Variants in CENPP observed in about 807,000 individuals in gnomAD.
CENPP encodes the protein centromere protein P.
CENPP carries 24 observed loss-of-function variants against 35.6 expected under a neutral mutation model. The observed-to-expected ratio is 0.67, with a 90% CI of 0.49 to 0.95. CENPP has a LOEUF of 0.95. CENPP is among the 40% of genes least tolerant of loss of function. CENPP has a pLI of 0.00. For missense variants in CENPP, 332 were observed against 345.3 expected (o/e 0.96, Z 0.31); for synonymous variants, 120 against 125.5 (o/e 0.96, Z 0.29).
At chr9:92,381,799 A>AC (rs1842252967) in intron 5 of CENPP, among the ~76,000 whole-genome samples, 1 of 152,130 alleles carries the variant, frequency 6.6e-6, no homozygotes, top group Non-Finnish European at 1.5e-5. Flanking sequence ...TATTTGAAGA[A>AC]CCGCATACTC....
intron 5 of CENPP, among the ~76,000 whole-genome samples, chr9:92,604,320 T>C (rs1014759339): frequency 3.9e-5 from 6 of 152,232 alleles, no homozygotes; most frequent in Non-Finnish European, 2.9e-5. Context: ...TTTAACCAAA[T>C]AAGAGATGTG....
chr9:92,381,203 C>T (rs559309471), intron 5 of CENPP, among the ~76,000 whole-genome samples: 4 of 152,244 alleles, frequency 2.6e-5, no homozygotes, highest in Admixed American at 2.0e-4. Flanking sequence ...ATTCTAGGTA[C>T]CTCATATATG....
In CENPP at chr9:92,614,877, T is replaced by TG. The variant is rs1212531845; in HGVS notation, c.*1730dup. ...GTTCACCTTCCAGAAGCAGGGCCTG[T>TG]GGCAGCCTAACAGGGAGAGGCCACG... On this transcript the variant is annotated 3_prime_UTR_variant, in exon 8 of 8. Transcript: ENST00000375587. The TG allele has an allele frequency of 1.3e-5, 2 of 152,474 alleles. No individual in the cohort carries two copies. The highest frequency in any genetic ancestry group is 2.9e-5 in the Non-Finnish European group (2 of 68,024). 9.4% of individuals were successfully genotyped at this position (152,474 alleles called of 1,614,324 possible).
At chr9:92,416,963 T>C in intron 5 of CENPP, 1 of 1,613,982 alleles carries the variant, frequency 6.2e-7, no homozygotes, top group Non-Finnish European at 8.5e-7. Context: ...CAGAGAATCA[T>C]GAAGATAATT....
intron 5 of CENPP, among the ~76,000 whole-genome samples, chr9:92,518,102 A>T (rs1847837358): frequency 6.6e-6 from 1 of 152,152 alleles, no homozygotes; most frequent in Admixed American, 6.5e-5. Flanking sequence ...TGAACTCCTC[A>T]TGGTAACTTG....
At chr9:92,458,999 G>C (rs1368210619) in intron 5 of CENPP, among the ~76,000 whole-genome samples, 1 of 152,150 alleles carries the variant, frequency 6.6e-6, no homozygotes, top group African/African-American at 2.4e-5. Flanking sequence ...TTGTTCTTGG[G>C]AAGATCTAAA....
chr9:92,452,240 A>G (rs1844733647), intron 5 of CENPP, among the ~76,000 whole-genome samples: 1 of 152,066 alleles, frequency 6.6e-6, no homozygotes, highest in Non-Finnish European at 1.5e-5. Flanking sequence ...TGGGTCTGTC[A>G]TAGATAGCTC....
Position 92,476,581 on chromosome 9 carries a change from A to G in CENPP, c.564+96722A>G, listed in dbSNP as rs1162472466. 1.3e-5 allele frequency among the ~76,000 whole-genome samples: 2 copies of G among 152,152 alleles called. No individual in the cohort carries two copies. The highest frequency in any genetic ancestry group is 2.9e-5 in the Non-Finnish European group (2 of 68,022). On this transcript the variant is annotated intron_variant, in intron 5 of 7. Transcript: ENST00000375587. The surrounding 1 kb of genome is among the most constrained non-coding windows in gnomAD (Gnocchi z 4.1). Reference sequence around the variant, plus strand: ...GATATTCCTGTGATAATCCACACTAACTTATGCTAGGAAGGAGGTTACAGG... The same window carrying G: ...GATATTCCTGTGATAATCCACACTAGCTTATGCTAGGAAGGAGGTTACAGG...
chr9:92,517,734 TG>T, intron 5 of CENPP: 1 of 1,614,152 alleles, frequency 6.2e-7, no homozygotes, highest in Non-Finnish European at 8.5e-7. Flanking sequence ...TATAACTGTT[TG>T]GGGGCACCTC....
intron 5 of CENPP, among the ~76,000 whole-genome samples, chr9:92,426,232 G>T (rs17591372): frequency 0.031 from 4,709 of 152,248 alleles, 112 homozygotes; most frequent in South Asian, 0.084. Flanking sequence ...GGTTATAATT[G>T]TAGCAATTGG....
chr9:92,534,012 T>A (rs1273219125), intron 5 of CENPP, among the ~76,000 whole-genome samples: 2 of 152,198 alleles, frequency 1.3e-5, no homozygotes, highest in Non-Finnish European at 2.9e-5. Flanking sequence ...GTTTTTGCTG[T>A]TTAATGTATC....
intron 5 of CENPP, among the ~76,000 whole-genome samples, chr9:92,393,972 C>T (rs903279675): frequency 9.2e-5 from 14 of 152,042 alleles, no homozygotes; most frequent in African/African-American, 3.1e-4. Context: ...TAGTATTTGC[C>T]ATGTTTCTCA....
intron 4 of CENPP, among the ~76,000 whole-genome samples, chr9:92,371,233 G>T (rs1423906877): frequency 6.6e-6 from 1 of 152,062 alleles, no homozygotes; most frequent in Non-Finnish European, 1.5e-5. Flanking sequence ...TTACCTTCTG[G>T]ATGTCAGCAT....
chr9:92,441,978 G>A (rs1844402830), intron 5 of CENPP, among the ~76,000 whole-genome samples: 1 of 151,956 alleles, frequency 6.6e-6, no homozygotes, highest in Non-Finnish European at 1.5e-5. Context: ...GTAGAGAGAG[G>A]TATTCTTTCT....
intron 4 of CENPP, among the ~76,000 whole-genome samples, chr9:92,355,830 A>T (rs531410269): frequency 1.3e-5 from 2 of 152,360 alleles, no homozygotes; most frequent in South Asian, 4.1e-4. Context: ...CTGAGCAAAC[A>T]TAAGTTAAAT....
chr9:92,544,470 C>T (rs889089991), intron 5 of CENPP, among the ~76,000 whole-genome samples: 2 of 151,852 alleles, frequency 1.3e-5, no homozygotes, highest in Non-Finnish European at 2.9e-5. Context: ...AGCAAGACTC[C>T]GTCTCAAAAA....
chr9:92,395,951 A>T (rs1464995949), intron 5 of CENPP, among the ~76,000 whole-genome samples: 3 of 151,568 alleles, frequency 2.0e-5, no homozygotes, highest in African/African-American at 7.3e-5. Flanking sequence ...GACCACCAAG[A>T]TTTGACACTT....
chr9:92,555,955 G>C (rs1297513961), intron 5 of CENPP, among the ~76,000 whole-genome samples: 1 of 151,882 alleles, frequency 6.6e-6, no homozygotes, highest in Non-Finnish European at 1.5e-5. Flanking sequence ...GTTTGTTCTT[G>C]TTTCTCTAGT....
At chr9:92,472,714 T>C (rs1271025279) in intron 5 of CENPP, among the ~76,000 whole-genome samples, 1 of 152,074 alleles carries the variant, frequency 6.6e-6, no homozygotes, top group East Asian at 1.9e-4. Flanking sequence ...AATTTAACCC[T>C]ATATGGGAAG....
Sources: gnomAD v4.1 joint callset for allele counts (sites outside exome capture counted in the v4.1 genomes callset) on GRCh38, gnomAD v4.1.1 for gene constraint, Gnocchi (gnomAD v3.1) non-coding constraint, MANE v1.5 for transcripts, NCBI Gene and HGNC (gene_info 2026-07-23, HGNC 2026-07-21) for gene names.